PTPN4: variants seen among roughly 807,000 people sequenced by gnomAD.
PTPN4 encodes the protein tyrosine-protein phosphatase non-receptor type 4.
A neutral mutation model predicts 135.5 loss-of-function variants in PTPN4; 49 were observed. That is an observed-to-expected ratio of 0.36 (90% CI 0.29 to 0.46). The LOEUF (loss-of-function observed/expected upper bound fraction) is 0.46. Ranked by LOEUF, PTPN4 falls within the 20% of genes least tolerant of loss-of-function variation. The pLI, the probability that PTPN4 is intolerant of heterozygous loss-of-function variation, is 1.00. For missense variants in PTPN4, 860 were observed against 1,101.0 expected (o/e 0.78, Z 3.10); for synonymous variants, 333 against 369.9 (o/e 0.90, Z 1.14).
chr2:119,960,712 G>A, intron 22 of PTPN4, 95 bp from the exon 23 acceptor site: 3 of 1,198,606 alleles, frequency 2.5e-6, no homozygotes, highest in African/African-American at 3.1e-5. Flanking sequence ...GAGGTTAGTT[G>A]TATTCACTAT....
At chr2:119,889,351 C>T (rs1038612271) in intron 9 of PTPN4, among the ~76,000 whole-genome samples, 1 of 152,026 alleles carries the variant, frequency 6.6e-6, no homozygotes. Context: ...ACCCTGGAGG[C>T]GGAGCTTGCA....
chr2:119,974,456 G>A (rs547845936), intron 26 of PTPN4, among the ~76,000 whole-genome samples: 37 of 152,128 alleles, frequency 2.4e-4, no homozygotes, highest in Non-Finnish European at 4.4e-4. Context: ...TGATCCACCC[G>A]CCTCGACCTC....
At position 119,790,456 on chromosome 2, in the gene PTPN4, T is replaced by C. The variant is rs561364664; in HGVS notation, c.-17-19381T>C. Among the ~76,000 whole-genome samples the C allele has an allele frequency of 1.3e-3, 195 of 152,192 alleles. 1 individual carries two copies. The highest frequency in any genetic ancestry group is 4.3e-3 in the African/African-American group (179 of 41,534). On this transcript the variant is annotated intron_variant, in intron 1 of 26. Transcript: ENST00000263708. Reference sequence around the variant, plus strand: ...AATAAGAGTAAAACTTATTATCTAGTAGCACTTTTGGATAAATATCTCATT... The same window carrying C: ...AATAAGAGTAAAACTTATTATCTAGCAGCACTTTTGGATAAATATCTCATT...
intron 2 of PTPN4, among the ~76,000 whole-genome samples, chr2:119,859,520 C>T (rs1416122466): frequency 6.6e-6 from 1 of 152,068 alleles, no homozygotes; most frequent in African/African-American, 2.4e-5. Flanking sequence ...TTCCATCTAC[C>T]TTGTCTCCTG....
At position 119,965,477 on chromosome 2, in the gene PTPN4, A is replaced by G. The variant is rs1160011451; in HGVS notation, c.2410-20A>G. Reference sequence around the variant, plus strand: ...CAATAATACATAAGTCAAGGTGCATAATTTTTCATTTGTTCTTAGAAAAAT... The same window carrying G: ...CAATAATACATAAGTCAAGGTGCATGATTTTTCATTTGTTCTTAGAAAAAT... On this transcript the variant is annotated intron_variant, in intron 24 of 26. Coordinates refer to ENST00000263708, the MANE Select transcript of PTPN4 (RefSeq NM_002830.4). 2 of 1,591,172 alleles carry G rather than the reference A, an allele frequency of 1.3e-6. No individual in the cohort carries two copies. The highest frequency in any genetic ancestry group is 1.4e-5 in the African/African-American group (1 of 73,720).
chr2:119,784,629 T>C (rs558966599), intron 1 of PTPN4, among the ~76,000 whole-genome samples: 3 of 151,592 alleles, frequency 2.0e-5, no homozygotes, highest in South Asian at 2.1e-4. Context: ...CCTTGTGATC[T>C]GCCCGCCTTG....
chr2:119,768,637 A>G (rs1690680949), intron 1 of PTPN4, among the ~76,000 whole-genome samples: 1 of 152,086 alleles, frequency 6.6e-6, no homozygotes, highest in South Asian at 2.1e-4. Context: ...TTATCTCCTC[A>G]GTGTATTTAC....
chr2:119,801,046 T>C (rs1289367855), intron 1 of PTPN4, among the ~76,000 whole-genome samples: 1 of 152,148 alleles, frequency 6.6e-6, no homozygotes, highest in Non-Finnish European at 1.5e-5. Flanking sequence ...TTTTTCAAAA[T>C]TGTTTTTGCT....
chr2:119,760,421 C>T (rs1031612611), intron 1 of PTPN4, 37 bp downstream of exon 1: 13 of 388,198 alleles, frequency 3.3e-5, no homozygotes, highest in Non-Finnish European at 4.6e-5. Context: ...CCTCTCGGCC[C>T]TGCACGTTGA....
intron 18 of PTPN4, among the ~76,000 whole-genome samples, chr2:119,949,253 GA>G (rs536220278): frequency 4.6e-5 from 7 of 152,090 alleles, no homozygotes; most frequent in Non-Finnish European, 8.8e-5. Context: ...TCTATTGGGG[GA>G]AAAAATTAAA....
intron 19 of PTPN4, among the ~76,000 whole-genome samples, chr2:119,952,966 C>T (rs1403564607): frequency 6.6e-6 from 1 of 152,174 alleles, no homozygotes; most frequent in Non-Finnish European, 1.5e-5. Flanking sequence ...GTCTGTCACT[C>T]TGTGCTATGC....
At chr2:119,860,769 G>A (rs1052802372) in intron 2 of PTPN4, among the ~76,000 whole-genome samples, 3 of 152,092 alleles carry the variant, frequency 2.0e-5, no homozygotes, top group Non-Finnish European at 2.9e-5. Context: ...GGCTAGGCGC[G>A]GTGGCTCACA....
At chr2:119,820,476 TTGTC>T (rs1289500921) in intron 2 of PTPN4, among the ~76,000 whole-genome samples, 1 of 152,212 alleles carries the variant, frequency 6.6e-6, no homozygotes, top group Non-Finnish European at 1.5e-5. Flanking sequence ...CCCTGGGTAA[TTGTC>T]TGTCCTGATT....
At position 119,945,218 on chromosome 2, in the gene PTPN4, C is replaced by T; in HGVS notation, c.1493C>T (p.Pro498Leu). ...ESHINETFDI[P>L]SSPEKPTPNG... ...CATATTAATGAAACATTTGATATTC[C>T]ATCTTCTCCTGAAAAACCCACTGTA... The change falls in exon 16 of 27, where the codon CCA becomes CTA. Residue 498 changes from proline (P) to leucine (L), a missense_variant. Pro to Leu is a moderately conservative substitution (Grantham distance 98). Around this residue, in one of 2 missense-constraint regions of PTPN4, gnomAD observed 684 missense variants for 807.0 expected, o/e 0.85. Coordinates refer to ENST00000263708, the MANE Select transcript of PTPN4 (RefSeq NM_002830.4). The T allele has an allele frequency of 6.3e-7, 1 of 1,578,520 alleles. No homozygotes were observed. The highest frequency in any genetic ancestry group is 8.6e-7 in the Non-Finnish European group (1 of 1,165,256).
In PTPN4 at chr2:119,782,368, G is replaced by A. The variant is rs752590529; in HGVS notation, c.-18+21984G>A. ...TGGGAGGCAGAGGTTGCAACGAGCC[G>A]AGGTCATGCCACTGCACTCTAGCCT... On this transcript the variant is annotated intron_variant, in intron 1 of 26. Transcript: ENST00000263708. 7.2e-5 allele frequency among the ~76,000 whole-genome samples: 11 copies of A among 152,172 alleles called. No homozygotes were observed. The East Asian group carries it at 7.7e-4, about 11-fold the overall frequency.
intron 2 of PTPN4, 115 bp downstream of exon 2, chr2:119,810,106 A>C: frequency 7.9e-7 from 1 of 1,262,388 alleles, no homozygotes; most frequent in Non-Finnish European, 1.1e-6. Context: ...TATTCAAGTA[A>C]AAAAGTCTTT....
At chr2:119,895,703 C>T (rs1053930824) in intron 9 of PTPN4, among the ~76,000 whole-genome samples, 3 of 151,958 alleles carry the variant, frequency 2.0e-5, no homozygotes, top group Non-Finnish European at 4.4e-5. Flanking sequence ...AGGCGGATCA[C>T]GAGGTCAGGA....
chr2:119,969,861 A>G (rs1679503337), intron 26 of PTPN4, among the ~76,000 whole-genome samples: 1 of 151,112 alleles, frequency 6.6e-6, no homozygotes, highest in South Asian at 2.1e-4. Flanking sequence ...CCCGGCCATC[A>G]ATTTGTTAAT....
chr2:119,893,940 G>C (rs903055475), intron 9 of PTPN4, among the ~76,000 whole-genome samples: 4 of 152,022 alleles, frequency 2.6e-5, no homozygotes, highest in African/African-American at 9.7e-5. Flanking sequence ...GTAATTTTGA[G>C]GGCTTTTGCT....
Sources: allele counts gnomAD v4.1 joint callset (sites outside exome capture counted in the v4.1 genomes callset), GRCh38; gene constraint gnomAD v4.1.1; regional missense constraint gnomAD v4.1.1; transcripts MANE v1.5; gene names NCBI Gene and HGNC (gene_info 2026-07-23, HGNC 2026-07-21).